Variants in TBC1D5 observed in about 807,000 individuals in gnomAD.
TBC1D5 encodes TBC1 domain family, member 5.
TBC1D5 carries 75 observed loss-of-function variants against 100.3 expected under a neutral mutation model. The ratio of observed to expected loss-of-function variants is 0.75; its 90% CI spans 0.62 to 0.91. The LOEUF (loss-of-function observed/expected upper bound fraction) is 0.91. Among genes scored for constraint, TBC1D5 ranks in the 40% least tolerant of loss-of-function variants. The pLI is 0.00. For missense variants in TBC1D5, 910 were observed against 942.4 expected, an observed-to-expected ratio of 0.97 and a Z score of 0.45; for synonymous variants, 323 against 325.6, an observed-to-expected ratio of 0.99 and a Z score of 0.09.
At position 17,607,191 on chromosome 3, in the gene TBC1D5, G is replaced by A. The variant is rs538831168; in HGVS notation, c.-36+16658C>T. On this transcript the variant is annotated intron_variant, in intron 2 of 21. Coordinates refer to ENST00000253692, the Ensembl canonical transcript of TBC1D5. ...CATTATGTACAAGAAATTAAAGGTA[G>A]TATTAGATGAACGTAATACAATCCA... Among the ~76,000 whole-genome samples the A allele has an allele frequency of 5.3e-5, 8 of 152,184 alleles. No individual in the cohort carries two copies. In the South Asian group the frequency reaches 1.2e-3, roughly 24 times the overall value.
At chr3:17,668,286 G>A (rs1166337342) in intron 1 of TBC1D5, among the ~76,000 whole-genome samples, 1 of 151,260 alleles carries the variant, frequency 6.6e-6, no homozygotes, top group Non-Finnish European at 1.5e-5. Flanking sequence ...TGGCTACAGG[G>A]AGGGAAGAAA....
intron 17 of TBC1D5, among the ~76,000 whole-genome samples, chr3:17,228,317 C>T (rs1192116606): frequency 1.3e-5 from 2 of 152,180 alleles, no homozygotes; most frequent in Non-Finnish European, 2.9e-5. Flanking sequence ...TTCTCATCTA[C>T]AAGTGGCTGT....
intron 17 of TBC1D5, among the ~76,000 whole-genome samples, chr3:17,220,149 G>C (rs1205595664): frequency 1.3e-5 from 2 of 152,062 alleles, no homozygotes; most frequent in Non-Finnish European, 2.9e-5. Context: ...ACAAACAGTT[G>C]GCTATTTCTC....
chr3:17,294,976 C>T (rs757040415), intron 14 of TBC1D5, among the ~76,000 whole-genome samples: 6 of 144,112 alleles, frequency 4.2e-5, no homozygotes, highest in Non-Finnish European at 7.8e-5. Flanking sequence ...TTTTTTTGAA[C>T]ATGAAAAACT....
intron 2 of TBC1D5, among the ~76,000 whole-genome samples, chr3:17,517,728 T>A (rs2096009210): frequency 2.0e-5 from 3 of 152,208 alleles, no homozygotes; most frequent in Non-Finnish European, 4.4e-5. Context: ...TCAATTTTAT[T>A]AAAAATACAT....
At chr3:17,251,421 G>A (rs1410413942) in intron 16 of TBC1D5, among the ~76,000 whole-genome samples, 1 of 77,068 alleles carries the variant, frequency 1.3e-5, no homozygotes, top group African/African-American at 6.0e-5. Context: ...ATATACTCAC[G>A]GGAACCCCCC....
chr3:17,727,875 CTA>C (rs2076248525), intron 1 of TBC1D5, among the ~76,000 whole-genome samples: 2 of 152,292 alleles, frequency 1.3e-5, no homozygotes, highest in African/African-American at 4.8e-5. Context: ...TTATGAATGA[CTA>C]TGGCTACAAA....
chr3:17,595,977 G>A (rs757001639), intron 2 of TBC1D5, among the ~76,000 whole-genome samples: 51 of 152,166 alleles, frequency 3.4e-4, no homozygotes, highest in Non-Finnish European at 3.5e-4. Context: ...TCTACCATAG[G>A]AGTGCCAGCT....
intron 1 of TBC1D5, among the ~76,000 whole-genome samples, chr3:17,683,888 C>G (rs930312682): frequency 1.3e-5 from 2 of 152,140 alleles, no homozygotes; most frequent in Non-Finnish European, 2.9e-5. Flanking sequence ...ACATTAATGT[C>G]TCTTTTCAAA....
At chr3:17,339,757 A>G (rs1217919419) in intron 13 of TBC1D5, among the ~76,000 whole-genome samples, 1 of 152,218 alleles carries the variant, frequency 6.6e-6, no homozygotes, top group Non-Finnish European at 1.5e-5. Context: ...TTACTCAGGA[A>G]AGTTGAGAAG....
chr3:17,323,797 T>C (rs2085736960), intron 13 of TBC1D5, among the ~76,000 whole-genome samples: 1 of 152,190 alleles, frequency 6.6e-6, no homozygotes, highest in Non-Finnish European at 1.5e-5. Flanking sequence ...TTAAAATCCC[T>C]TGATTTCTGG....
rs2074107442 is a variant in TBC1D5, at chr3:17,706,029, T to TA, written c.-101+33313dup. On this transcript the variant is annotated intron_variant, in intron 1 of 21. Coordinates refer to ENST00000253692, the Ensembl canonical transcript of TBC1D5. ...GTCTTGCTGTCACCCAGCCTGGACT[T>TA]ACACCATGTTCTTTAAGGTGGGAGC... is the stretch of plus-strand genomic sequence containing the variant. The TA allele has an allele frequency of 1.9e-6, 3 of 1,556,256 alleles. No individual in the cohort carries two copies. The African/African-American group carries it at 4.1e-5, about 21-fold the overall frequency.
At chr3:17,477,013 T>C (rs1047397256) in intron 3 of TBC1D5, among the ~76,000 whole-genome samples, 1 of 151,974 alleles carries the variant, frequency 6.6e-6, no homozygotes, top group Admixed American at 6.5e-5. Context: ...TTTAACATTT[T>C]ACATTGAGAA....
chr3:17,437,087 ATACTGTGAAT>A (rs1669790121), intron 3 of TBC1D5, among the ~76,000 whole-genome samples: 1 of 152,174 alleles, frequency 6.6e-6, no homozygotes, highest in African/African-American at 2.4e-5. Flanking sequence ...AAATAGCTTA[ATACTGTGAAT>A]TCAATCTCTT....
intron 4 of TBC1D5, 91 bp from the exon 5 acceptor site, chr3:17,406,617 C>T: frequency 1.7e-6 from 2 of 1,146,104 alleles, no homozygotes; most frequent in Non-Finnish European, 2.5e-6. Context: ...TTAAGTAAGT[C>T]TAAAAAATGC....
Position 17,511,002 on chromosome 3 carries a change from A to G in TBC1D5, c.-35-2397T>C, listed in dbSNP as rs750523666. ...TTCTCCTACATTAATTTGGCTCTAA[A>G]TAAGTCAGTGCGACAAAAAGACCAG... On this transcript the variant is annotated intron_variant, in intron 2 of 21. Coordinates refer to ENST00000253692, the Ensembl canonical transcript of TBC1D5. Among the ~76,000 whole-genome samples the G allele has an allele frequency of 9.2e-4, 140 of 152,010 alleles. 1 individual carries two copies. Among genetic ancestry groups the G allele is most frequent in the Non-Finnish European group, 2.9e-4 (20 of 67,886 alleles).
chr3:17,564,810 A>C (rs968777896), intron 2 of TBC1D5, among the ~76,000 whole-genome samples: 4 of 152,138 alleles, frequency 2.6e-5, no homozygotes, highest in Non-Finnish European at 5.9e-5. Context: ...TGACCTGAAC[A>C]TCCTGCTTAC....
intron 2 of TBC1D5, among the ~76,000 whole-genome samples, chr3:17,618,643 T>A (rs961096126): frequency 1.3e-5 from 2 of 152,192 alleles, no homozygotes; most frequent in African/African-American, 4.8e-5. Flanking sequence ...TGCACCCTCG[T>A]TGTTAGATCT....
At chr3:17,486,190 T>C (rs1294250737) in intron 3 of TBC1D5, among the ~76,000 whole-genome samples, 1 of 152,134 alleles carries the variant, frequency 6.6e-6, no homozygotes, top group East Asian at 1.9e-4. Context: ...GATGGGGTTG[T>C]TTTTTTCTTG....
Sources: gnomAD v4.1 joint callset for allele counts (sites outside exome capture counted in the v4.1 genomes callset) on GRCh38, gnomAD v4.1.1 for gene constraint, MANE v1.5 for transcripts, NCBI Gene and HGNC (gene_info 2026-07-23, HGNC 2026-07-21) for gene names.